Variants in REEP3 observed in about 807,000 individuals in gnomAD.
REEP3 encodes receptor expression-enhancing protein 3.
A neutral mutation model predicts 41.3 loss-of-function variants in REEP3; 20 were observed. The observed-to-expected ratio is 0.48, with a 90% CI of 0.34 to 0.70. REEP3 has a LOEUF of 0.70. Among genes scored for constraint, REEP3 ranks in the 30% least tolerant of loss-of-function variants. The probability of loss-of-function intolerance (pLI) is 0.01; values close to 1 mark genes in which losing one functional copy is unlikely to be tolerated. For synonymous variants in REEP3, 104 were observed against 101.8 expected (o/e 1.02, Z -0.13); for missense variants, 271 against 308.8 (o/e 0.88, Z 0.92).
chr10:63,535,485 G>A (rs771820787), intron 1 of REEP3, among the ~76,000 whole-genome samples: 2 of 152,100 alleles, frequency 1.3e-5, no homozygotes, highest in Non-Finnish European at 2.9e-5. Context: ...CATGGAACCT[G>A]ATAGGCTAAT....
In REEP3 at chr10:63,610,412, G is replaced by C. The variant is rs74765195; in HGVS notation, c.565+78G>C. On this transcript the variant is annotated intron_variant, in intron 6 of 7. Coordinates refer to ENST00000373758, the MANE Select transcript of REEP3 (RefSeq NM_001001330.3). ...AACAACATACACTGGGGCCTGTCGG[G>C]GGGTGGGGCACAAGGAGAGGGAGAG... 9,719 of 1,383,360 alleles carry C rather than the reference G, an allele frequency of 7.0e-3. 56 individuals carry two copies. The highest frequency in any genetic ancestry group is 7.9e-3 in the Non-Finnish European group (7,993 of 1,010,706). 85.7% of individuals were successfully genotyped at this position (1,383,360 alleles called of 1,614,324 possible). A position where few individuals can be genotyped will look rare whatever the true frequency, so the allele number is the denominator to read the frequency against.
At chr10:63,613,376 T>C (rs1333880050) in intron 6 of REEP3, among the ~76,000 whole-genome samples, 2 of 152,216 alleles carry the variant, frequency 1.3e-5, no homozygotes, top group African/African-American at 4.8e-5. Flanking sequence ...AGTTCTTAAA[T>C]TTCAAATCAT....
chr10:63,594,877 G>T, intron 3 of REEP3, 23 bp downstream of exon 3: 2 of 1,459,170 alleles, frequency 1.4e-6, no homozygotes, highest in East Asian at 2.3e-5. Context: ...ATTGAGAAGG[G>T]GCCAGACTAC....
chr10:63,598,951 T>C (rs903474813), intron 4 of REEP3, among the ~76,000 whole-genome samples: 4 of 151,900 alleles, frequency 2.6e-5, no homozygotes, highest in Non-Finnish European at 4.4e-5. Context: ...AATTATTTGG[T>C]CATGGTGGTA....
intron 5 of REEP3, among the ~76,000 whole-genome samples, chr10:63,606,304 C>T (rs10995568): frequency 1.1e-4 from 8 of 70,752 alleles, no homozygotes; most frequent in East Asian, 4.4e-4. Flanking sequence ...CTTTCTTTCT[C>T]TCTCTCTGTC....
intron 1 of REEP3, among the ~76,000 whole-genome samples, chr10:63,556,590 TTTTG>T (rs745904408): frequency 6.8e-6 from 1 of 146,274 alleles, no homozygotes; most frequent in Admixed American, 6.8e-5. Context: ...TTTTGTTTTG[TTTTG>T]TTTTGTTTTC....
At chr10:63,548,019 G>A (rs1354038970) in intron 1 of REEP3, among the ~76,000 whole-genome samples, 1 of 152,188 alleles carries the variant, frequency 6.6e-6, no homozygotes, top group Non-Finnish European at 1.5e-5. Context: ...GTAACCTAAA[G>A]GTAGAGGCTG....
At chr10:63,600,265 A>G (rs1183526534) in intron 5 of REEP3, among the ~76,000 whole-genome samples, 8 of 152,204 alleles carry the variant, frequency 5.3e-5, no homozygotes, top group African/African-American at 1.7e-4. Context: ...CACTTTTCAG[A>G]GAGGTCTTTG....
chr10:63,589,324 C>T (rs1589878351), intron 2 of REEP3, among the ~76,000 whole-genome samples: 2 of 152,138 alleles, frequency 1.3e-5, no homozygotes, highest in African/African-American at 4.8e-5. Context: ...CTTCTATTTT[C>T]CCCTCCAGTG....
intron 1 of REEP3, among the ~76,000 whole-genome samples, chr10:63,551,182 A>T (rs971081001): frequency 2.0e-5 from 3 of 152,216 alleles, no homozygotes; most frequent in African/African-American, 7.2e-5. Flanking sequence ...TTGTAGTGCC[A>T]GAAAGTAAAG....
intron 2 of REEP3, among the ~76,000 whole-genome samples, chr10:63,567,457 C>G (rs1955810560): frequency 6.6e-6 from 1 of 152,144 alleles, no homozygotes; most frequent in Non-Finnish European, 1.5e-5. Flanking sequence ...TGGCTCCTTT[C>G]ACTCAGCATA....
chr10:63,529,630 T>C (rs908526770), intron 1 of REEP3, among the ~76,000 whole-genome samples: 3 of 151,970 alleles, frequency 2.0e-5, no homozygotes, highest in Non-Finnish European at 4.4e-5. Context: ...ACCCAGCTAA[T>C]TTTTTTATTT....
chr10:63,563,484 C>T (rs757145577), intron 1 of REEP3, among the ~76,000 whole-genome samples: 3 of 152,092 alleles, frequency 2.0e-5, no homozygotes, highest in Non-Finnish European at 2.9e-5. Flanking sequence ...TCCAAGATTC[C>T]TGGTGGATGC....
intron 3 of REEP3, 104 bp from the exon 4 acceptor site, chr10:63,597,920 A>G: frequency 1.9e-6 from 2 of 1,049,544 alleles, no homozygotes; most frequent in Non-Finnish European, 2.7e-6. Flanking sequence ...AAAAAAAAAA[A>G]CAAAAAACAG....
chr10:63,611,787 T>A (rs1956279142), intron 6 of REEP3, among the ~76,000 whole-genome samples: 2 of 146,530 alleles, frequency 1.4e-5, no homozygotes, highest in South Asian at 2.1e-4. Context: ...AAAAAAAAAT[T>A]TTTTTTTTTT....
intron 1 of REEP3, among the ~76,000 whole-genome samples, chr10:63,559,047 G>A (rs1291207519): frequency 6.6e-6 from 1 of 152,040 alleles, no homozygotes; most frequent in Non-Finnish European, 1.5e-5. Context: ...ATGAAATAAG[G>A]GGAATTTGGC....
rs1249243774 is a variant in REEP3, at chr10:63,583,563, A to G, written c.106-11215A>G. On this transcript the variant is annotated intron_variant, in intron 2 of 7. Transcript: ENST00000373758. ...TAATGTCCTTTGTGGAAGGAGCCAG[A>G]TGGAGTCGACTGTGTGAAGTTAGAT... 5.3e-5 allele frequency among the ~76,000 whole-genome samples: 8 copies of G among 152,294 alleles called. No homozygotes were observed. The East Asian group carries it at 1.5e-3, about 29-fold the overall frequency.
At chr10:63,533,956 C>T (rs1955450785) in intron 1 of REEP3, among the ~76,000 whole-genome samples, 5 of 152,034 alleles carry the variant, frequency 3.3e-5, no homozygotes. Flanking sequence ...GATCTGCCCA[C>T]CTCGGCCTCT....
intron 1 of REEP3, among the ~76,000 whole-genome samples, chr10:63,544,969 A>C (rs1012944915): frequency 3.9e-5 from 6 of 152,218 alleles, no homozygotes; most frequent in Non-Finnish European, 8.8e-5. Context: ...TGCAAAATAC[A>C]AAGGAACAGT....
Sources: allele counts gnomAD v4.1 joint callset (sites outside exome capture counted in the v4.1 genomes callset), GRCh38; gene constraint gnomAD v4.1.1; transcripts MANE v1.5; gene names NCBI Gene and HGNC (gene_info 2026-07-23, HGNC 2026-07-21).